SRCIN1: variants seen among roughly 807,000 people sequenced by gnomAD.
SRCIN1 encodes SRC kinase signaling inhibitor 1, also known as P130Cas-associated protein.
Under a neutral mutation model 116.2 loss-of-function variants are expected in SRCIN1, and 50 were observed. The ratio of observed to expected loss-of-function variants is 0.43; its 90% confidence interval spans 0.34 to 0.54. The LOEUF is 0.54. Among genes scored for constraint, SRCIN1 ranks in the 20% least tolerant of loss-of-function variants. SRCIN1 has a pLI of 0.02. For synonymous variants in SRCIN1, 736 were observed against 750.0 expected, an observed-to-expected ratio of 0.98 and a Z score of 0.30; for missense variants, 1,446 against 1,672.0, an observed-to-expected ratio of 0.86 and a Z score of 2.36.
Position 38,552,950 on chromosome 17 carries a change from T to G in SRCIN1, c.2202-95A>C. 6.5e-7 allele frequency: 1 copy of G among 1,528,376 alleles called. No homozygotes were observed. Among genetic ancestry groups the G allele is most frequent in the Non-Finnish European group, 8.8e-7 (1 of 1,138,412 alleles). 94.7% of individuals were successfully genotyped at this position (1,528,376 alleles called of 1,614,324 possible). Reference sequence around the variant, plus strand: ...AACTGGAAAGAAATCAGGCCACCAGTTGGATCGAAAGTAAAAGCAGGAGGC... The same window carrying G: ...AACTGGAAAGAAATCAGGCCACCAGGTGGATCGAAAGTAAAAGCAGGAGGC... On this transcript the variant is annotated intron_variant, in intron 11 of 18. Coordinates refer to ENST00000617146, the MANE Select transcript of SRCIN1 (RefSeq NM_025248.3). The surrounding 1 kb of genome is among the most constrained non-coding windows in gnomAD (Gnocchi z 5.3).
At chr17:38,571,196 C>A (rs774014258) in intron 2 of SRCIN1, among the ~76,000 whole-genome samples, 1 of 152,168 alleles carries the variant, frequency 6.6e-6, no homozygotes, top group Non-Finnish European at 1.5e-5. Context: ...CTCTAGTGTT[C>A]TCTAAGGTGG....
chr17:38,551,332 C>T lies in SRCIN1; in HGVS notation c.2785G>A (p.Asp929Asn). ...RAALTQYSAK[D>N]INRLLEETQA... ...GTCTCTTCCAGCAGCCGGTTGATGT[C>T]CTTGGCACTGTACTGGGTCAGGGCT... The change falls in exon 15 of 19, where the codon GAC (aspartate) becomes AAC (asparagine). Residue 929 changes from aspartate (D) to asparagine (N), a missense_variant. Transcript: ENST00000617146. The T allele has an allele frequency of 6.2e-7, 1 of 1,613,848 alleles. No individual in the cohort carries two copies. Among genetic ancestry groups the T allele is most frequent in the Non-Finnish European group, 8.5e-7 (1 of 1,179,854 alleles).
At chr17:38,557,421 T>C (rs916700347) in intron 11 of SRCIN1, among the ~76,000 whole-genome samples, 1 of 152,250 alleles carries the variant, frequency 6.6e-6, no homozygotes, top group African/African-American at 2.4e-5. Context: ...GTGCTGGCAC[T>C]GGACTCCAGG....
chr17:38,582,219 C>A (rs1206839405), intron 1 of SRCIN1, among the ~76,000 whole-genome samples: 1 of 152,172 alleles, frequency 6.6e-6, no homozygotes, highest in East Asian at 1.9e-4. Flanking sequence ...CCTCTCTTAC[C>A]CCCTCCTCAT....
At chr17:38,588,736 G>C (rs1409835212) in intron 1 of SRCIN1, among the ~76,000 whole-genome samples, 1 of 152,192 alleles carries the variant, frequency 6.6e-6, no homozygotes, top group Non-Finnish European at 1.5e-5. Context: ...ACTCCAATCT[G>C]TTGGAAGTGA....
intron 4 of SRCIN1, 45 bp downstream of exon 4, chr17:38,564,073 G>A (rs2143209072): frequency 1.3e-6 from 2 of 1,557,614 alleles, no homozygotes; most frequent in Non-Finnish European, 8.7e-7. Flanking sequence ...AAGAGCAGAG[G>A]GAGGAGCCTG....
At position 38,558,195 on chromosome 17, in the gene SRCIN1, C is replaced by G. The variant is rs146542064; in HGVS notation, c.2201+32G>C. ...TTGCGGGTCACTCCAGCCGCACCCC[C>G]ACCCCTCCCTCCGCCGCGGGCCCAG... is the stretch of plus-strand genomic sequence containing the variant. On this transcript the variant is annotated intron_variant, in intron 11 of 18. Coordinates refer to ENST00000617146, the MANE Select transcript of SRCIN1 (RefSeq NM_025248.3). The surrounding 1 kb of genome is among the most constrained non-coding windows in gnomAD (Gnocchi z 4.6). 3.0e-3 allele frequency: 4,761 copies of G among 1,604,004 alleles called. 125 individuals are homozygous for G. In the African/African-American group the frequency reaches 0.052, roughly 18 times the overall value.
chr17:38,533,990 C>T (rs1273146763), intron 18 of SRCIN1, among the ~76,000 whole-genome samples: 1 of 152,158 alleles, frequency 6.6e-6, no homozygotes, highest in African/African-American at 2.4e-5. Flanking sequence ...ACCACCACCA[C>T]CTGGAAATCT....
At chr17:38,575,197 T>G (rs1907344404) in intron 2 of SRCIN1, among the ~76,000 whole-genome samples, 1 of 152,136 alleles carries the variant, frequency 6.6e-6, no homozygotes, top group Non-Finnish European at 1.5e-5. Context: ...GACCTGGGGG[T>G]TCCCTGAGCC....
intron 1 of SRCIN1, among the ~76,000 whole-genome samples, chr17:38,594,378 C>T (rs1374598025): frequency 2.0e-5 from 3 of 152,182 alleles, no homozygotes; most frequent in African/African-American, 4.8e-5. Flanking sequence ...GCCATCAAGG[C>T]GGCGGCAGCC....
At chr17:38,595,225 G>A (rs758243663) in intron 1 of SRCIN1, among the ~76,000 whole-genome samples, 23 of 152,060 alleles carry the variant, frequency 1.5e-4, no homozygotes, top group South Asian at 4.2e-4. Flanking sequence ...TTTCCCCGCC[G>A]CCCCGACCCC....
intron 2 of SRCIN1, chr17:38,574,769 G>T: frequency 2.5e-6 from 1 of 399,314 alleles, no homozygotes; most frequent in Middle Eastern, 3.5e-4. Flanking sequence ...AAGAGAAAAG[G>T]TTGCAAAATA....
Position 38,551,976 on chromosome 17 carries a change from T to C in SRCIN1, c.2637A>G (p.Glu879=). ...CCCCCTTGGGGGTAAGAGAGGCTCC[T>C]TCAGCTGGCCCGCTCAGCTCATGCA... is the stretch of plus-strand genomic sequence containing the variant. ...LNLHELSGPA[E]GASLTPKGGN... The change falls in exon 14 of 19, where the codon GAA becomes GAG. Residue 879 remains glutamate, a synonymous_variant. Transcript: ENST00000617146. 1 of 1,614,034 alleles carries C rather than the reference T, an allele frequency of 6.2e-7. No individual in the cohort carries two copies. The highest frequency in any genetic ancestry group is 8.5e-7 in the Non-Finnish European group (1 of 1,179,890).
upstream of SRCIN1, chr17:38,606,035 A>C (rs1211744682): frequency 1.5e-5 from 2 of 134,976 alleles, no homozygotes; most frequent in Non-Finnish European, 1.6e-5. This position sits in a 1 kb window ranked among gnomAD's most constrained non-coding sequence, Gnocchi z 5.2. Flanking sequence ...CGGAACTTAC[A>C]AAGGGCCGCC....
chr17:38,555,695 G>T (rs1905740369), intron 11 of SRCIN1, among the ~76,000 whole-genome samples: 1 of 152,158 alleles, frequency 6.6e-6, no homozygotes, highest in South Asian at 2.1e-4. Flanking sequence ...TCAGCCATTG[G>T]TTCTGCTGCA....
intron 1 of SRCIN1, among the ~76,000 whole-genome samples, chr17:38,603,945 A>G (rs912317794): frequency 6.6e-5 from 10 of 152,108 alleles, no homozygotes; most frequent in Admixed American, 5.2e-4. Flanking sequence ...CAGAACCAGC[A>G]AAACCCCTCA....
At chr17:38,551,839 G>T (rs1350906210) in intron 14 of SRCIN1, 47 bp downstream of exon 14, 1 of 1,610,164 alleles carries the variant, frequency 6.2e-7, no homozygotes, top group South Asian at 1.1e-5. Flanking sequence ...TCGTAAGAAT[G>T]TGTGAACCTG....
intron 7 of SRCIN1, 35 bp downstream of exon 7, chr17:38,561,428 C>T: frequency 6.8e-7 from 1 of 1,473,148 alleles, no homozygotes; most frequent in Non-Finnish European, 9.0e-7. Flanking sequence ...GCACCCCCCA[C>T]CCCCAGTCCC....
chr17:38,599,065 T>C (rs1018023858), intron 1 of SRCIN1, among the ~76,000 whole-genome samples: 6 of 152,052 alleles, frequency 3.9e-5, no homozygotes, highest in African/African-American at 1.4e-4. Flanking sequence ...CCCATTTTTT[T>C]TTTCTTAGCT....
Sources: gnomAD v4.1 joint callset for allele counts (sites outside exome capture counted in the v4.1 genomes callset) on GRCh38, gnomAD v4.1.1 for gene constraint, Gnocchi (gnomAD v3.1) non-coding constraint, MANE v1.5 for transcripts, NCBI Gene and HGNC (gene_info 2026-07-23, HGNC 2026-07-21) for gene names.